The following NAA25 variants were observed in gnomAD, a reference collection of about 807,000 sequenced individuals.
NAA25 encodes the protein N-alpha-acetyltransferase 25, NatB auxiliary subunit, also known as N-terminal acetyltransferase B complex subunit NAA25.
A neutral mutation model predicts 132.5 loss-of-function variants in NAA25; 30 were observed. The observed-to-expected ratio is 0.23, with a 90% CI of 0.17 to 0.31. The LOEUF is 0.31. NAA25 is among the 10% of genes least tolerant of loss of function. NAA25 has a pLI of 1.00. For synonymous variants in NAA25, 359 were observed against 401.9 expected (o/e 0.89, Z 1.28); for missense variants, 771 against 1,150.4 (o/e 0.67, Z 4.77).
At chr12:112,071,435 G>A (rs889176083) in intron 10 of NAA25, among the ~76,000 whole-genome samples, 3 of 152,124 alleles carry the variant, frequency 2.0e-5, no homozygotes, top group Admixed American at 1.3e-4. Flanking sequence ...GGACTCAAGA[G>A]ACTCTCCTGC....
chr12:112,096,344 G>A (rs992366709), intron 1 of NAA25, among the ~76,000 whole-genome samples: 1 of 152,158 alleles, frequency 6.6e-6, no homozygotes, highest in Non-Finnish European at 1.5e-5. Flanking sequence ...TATCAGCAAA[G>A]GCACAGACAA....
chr12:112,081,448 A>G (rs935356960), intron 4 of NAA25, among the ~76,000 whole-genome samples: 2 of 152,242 alleles, frequency 1.3e-5, no homozygotes, highest in African/African-American at 4.8e-5. Context: ...GTAAGTGTAC[A>G]TCAATAAACT....
At chr12:112,036,202 TG>T (rs2078222370) in intron 22 of NAA25, among the ~76,000 whole-genome samples, 1 of 152,176 alleles carries the variant, frequency 6.6e-6, no homozygotes, top group Admixed American at 6.5e-5. Context: ...TGAATACAAA[TG>T]GAAATAAACT....
At chr12:112,053,757 GC>G in intron 14 of NAA25, 100 bp from the exon 15 acceptor site, 1 of 617,262 alleles carries the variant, frequency 1.6e-6, no homozygotes, top group Admixed American at 2.8e-5. Flanking sequence ...CAAAAAAATA[GC>G]TAGGCATAAG....
intron 1 of NAA25, among the ~76,000 whole-genome samples, chr12:112,102,997 A>AT (rs1481811183): frequency 1.4e-5 from 2 of 144,062 alleles, no homozygotes; most frequent in Non-Finnish European, 3.1e-5. Flanking sequence ...CCTATTTTTT[A>AT]TTTTTTTGAG....
intron 5 of NAA25, 135 bp from the exon 6 acceptor site, chr12:112,078,876 G>A (rs1406735448): frequency 1.5e-6 from 1 of 674,078 alleles, no homozygotes; most frequent in Admixed American, 2.9e-5. Flanking sequence ...TCCCTGCCAA[G>A]GAGGTACATT....
chr12:112,055,485 A>C (rs1451433806), intron 13 of NAA25, among the ~76,000 whole-genome samples: 1 of 152,192 alleles, frequency 6.6e-6, no homozygotes, highest in Non-Finnish European at 1.5e-5. Flanking sequence ...ACTTGAGCCC[A>C]CAAGTTTGAG....
chr12:112,039,705 A>G (rs2078275722), intron 21 of NAA25: 1 of 170,390 alleles, frequency 5.9e-6, no homozygotes, highest in South Asian at 1.6e-4. Flanking sequence ...GGTTCTTTAC[A>G]ATATGCCTCT....
intron 19 of NAA25, among the ~76,000 whole-genome samples, chr12:112,042,577 G>A (rs1430416503): frequency 6.6e-6 from 1 of 151,790 alleles, no homozygotes; most frequent in Non-Finnish European, 1.5e-5. Flanking sequence ...TGCCATCTCG[G>A]CTCACTGCAA....
chr12:112,092,322 G>A (rs73207611), intron 2 of NAA25, among the ~76,000 whole-genome samples: 1,553 of 151,794 alleles, frequency 0.01, 9 homozygotes, highest in Non-Finnish European at 0.017. Flanking sequence ...ATAAAGTACC[G>A]AGAAAAAAAC....
chr12:112,048,153 T>C (rs2078414517), intron 16 of NAA25, 139 bp downstream of exon 16: 1 of 789,334 alleles, frequency 1.3e-6, no homozygotes, highest in Non-Finnish European at 2.0e-6. Flanking sequence ...ATGTGCCAAG[T>C]TCTGTTTCCC....
intron 11 of NAA25, among the ~76,000 whole-genome samples, chr12:112,063,714 C>T (rs1408313428): frequency 6.6e-6 from 1 of 151,482 alleles, no homozygotes; most frequent in African/African-American, 2.4e-5. Flanking sequence ...CAGAAGGGCA[C>T]CAATAGGATA....
intron 10 of NAA25, 40 bp downstream of exon 10, chr12:112,071,855 A>AAAAAAGTAG: frequency 6.5e-7 from 1 of 1,545,196 alleles, no homozygotes; most frequent in Non-Finnish European, 8.8e-7. Flanking sequence ...TTGGGTATTA[A>AAAAAAGTAG]GGGCATTCTC....
Position 112,039,290 on chromosome 12 carries a change from C to T in NAA25, c.2588G>A (p.Arg863Gln), listed in dbSNP as rs769148570. The T allele has an allele frequency of 3.0e-5, 49 of 1,610,642 alleles. No homozygotes were observed. In the East Asian group the frequency reaches 8.7e-4, roughly 29 times the overall value. Reference protein sequence around the residue: ...WVSSYCESVLRPYKLNLQKKK... With the variant: ...WVSSYCESVLQPYKLNLQKKK... The stretch of plus-strand genomic sequence containing the variant: ...TTTCTGTAAATTTAGTTTGTATGGT[C>T]GTAGGACACTCTCACAGTAACTGGA... Residue 863 changes from arginine to glutamine, a missense_variant, in exon 22 of 24, where the codon CGA becomes CAA. By Grantham distance (43) the Arg-to-Gln change is conservative (BLOSUM62 1). This residue lies in a region of NAA25 where 324 missense variants were observed against 400.0 expected (regional missense o/e 0.81). Coordinates refer to ENST00000261745, the MANE Select transcript of NAA25 (RefSeq NM_024953.4).
chr12:112,067,301 A>C (rs1335282740), intron 11 of NAA25, among the ~76,000 whole-genome samples: 1 of 152,234 alleles, frequency 6.6e-6, no homozygotes, highest in South Asian at 2.1e-4. Context: ...AAAAGATGAA[A>C]GAGCAAACTA....
chr12:112,088,208 T>C (rs2079081494), intron 3 of NAA25, among the ~76,000 whole-genome samples: 2 of 152,028 alleles, frequency 1.3e-5, no homozygotes, highest in Non-Finnish European at 2.9e-5. Flanking sequence ...AATTCAAATG[T>C]AAGCTGAACT....
At chr12:112,045,908 G>A (rs1170924800) in intron 17 of NAA25, among the ~76,000 whole-genome samples, 1 of 152,118 alleles carries the variant, frequency 6.6e-6, no homozygotes, top group Non-Finnish European at 1.5e-5. Context: ...AAAATAGTAT[G>A]TATGCAACTT....
chr12:112,098,941 A>G (rs894147874), intron 1 of NAA25, among the ~76,000 whole-genome samples: 17 of 151,950 alleles, frequency 1.1e-4, no homozygotes, highest in Non-Finnish European at 2.4e-4. Flanking sequence ...CATTAAGGAG[A>G]AAGTGTCAGT....
chr12:112,094,967 C>T (rs1422872840), intron 1 of NAA25, among the ~76,000 whole-genome samples: 1 of 152,044 alleles, frequency 6.6e-6, no homozygotes, highest in Admixed American at 6.6e-5. Flanking sequence ...CCATGCCCAG[C>T]TGATACATTT....
Sources: allele counts gnomAD v4.1 joint callset (sites outside exome capture counted in the v4.1 genomes callset), GRCh38; gene constraint gnomAD v4.1.1; regional missense constraint gnomAD v4.1.1; transcripts MANE v1.5; gene names NCBI Gene and HGNC (gene_info 2026-07-23, HGNC 2026-07-21).